Variants in CAPRIN1 observed in about 807,000 individuals in gnomAD.
CAPRIN1 encodes caprin-1.
CAPRIN1 carries 29 observed loss-of-function variants against 100.9 expected under a neutral mutation model. The observed-to-expected ratio is 0.29, with a 90% CI of 0.21 to 0.39. The LOEUF (loss-of-function observed/expected upper bound fraction) is 0.39. Ranked by LOEUF, CAPRIN1 falls within the 10% of genes least tolerant of loss-of-function variation. CAPRIN1 has a pLI of 1.00. For synonymous variants in CAPRIN1, 338 were observed against 307.5 expected (o/e 1.10, Z -1.04); for missense variants, 795 against 876.7 (o/e 0.91, Z 1.18).
chr11:34,071,980 G>A lies in CAPRIN1; in HGVS notation c.359G>A (p.Ser120Asn). ...KELQRSFMAL[S>N]QDIQKTIKKT... is the part of the protein sequence containing the mutation. ...TTACAGAGGAGTTTCATGGCACTAA[G>A]TCAAGATGTAAGTAAAAGAAAGTAT... Residue 120 changes from serine (S) to asparagine (N), a missense_variant, in exon 4 of 19, where the codon AGT (serine) becomes AAT (asparagine). By Grantham distance (46) the Ser-to-Asn change is conservative (BLOSUM62 1). Coordinates refer to ENST00000341394, the MANE Select transcript of CAPRIN1 (RefSeq NM_005898.5). 6.2e-7 allele frequency: 1 copy of A among 1,601,732 alleles called. No individual in the cohort carries two copies. The highest frequency in any genetic ancestry group is 8.6e-7 in the Non-Finnish European group (1 of 1,169,404).
chr11:34,093,202 A>ATT (rs1418235206), intron 15 of CAPRIN1, among the ~76,000 whole-genome samples: 1 of 149,582 alleles, frequency 6.7e-6, no homozygotes, highest in African/African-American at 2.5e-5. Context: ...TTTTATATAT[A>ATT]TATTTTTTTA....
chr11:34,084,584 A>G (rs943049293), intron 9 of CAPRIN1, among the ~76,000 whole-genome samples: 1 of 152,136 alleles, frequency 6.6e-6, no homozygotes, highest in Non-Finnish European at 1.5e-5. Flanking sequence ...TGCGGGACCC[A>G]CATATATACA....
At chr11:34,099,230 C>G in intron 18 of CAPRIN1, 73 bp from the exon 19 acceptor site, 2 of 1,579,122 alleles carry the variant, frequency 1.3e-6, no homozygotes, top group Non-Finnish European at 1.7e-6. Context: ...TTCTTGACTT[C>G]AGATGAAAAT....
chr11:34,066,549 G>A (rs1019535642), intron 2 of CAPRIN1, among the ~76,000 whole-genome samples: 3 of 151,574 alleles, frequency 2.0e-5, no homozygotes, highest in Non-Finnish European at 4.4e-5. Flanking sequence ...GGCCAGGCTG[G>A]TCTCGAACTC....
intron 4 of CAPRIN1, among the ~76,000 whole-genome samples, chr11:34,075,172 C>T (rs754835583): frequency 1.3e-5 from 2 of 152,040 alleles, no homozygotes; most frequent in Non-Finnish European, 2.9e-5. Context: ...TCTGCACACT[C>T]TGTTACCATT....
chr11:34,076,977 C>T lies in CAPRIN1; in HGVS notation c.688+335C>T, dbSNP rs574964732. Among the ~76,000 whole-genome samples, 14 of 152,326 alleles carry T rather than the reference C, an allele frequency of 9.2e-5. No homozygotes were observed. In the East Asian group the frequency reaches 2.7e-3, roughly 29 times the overall value. On this transcript the variant is annotated intron_variant, in intron 6 of 18. Transcript: ENST00000341394. ...CTCGAACTCCTTACCACAAATGATT[C>T]ACCTGCCTGGGCCTCCCAGAGTGCT...
Position 34,102,313 on chromosome 11 carries a change from C to T in CAPRIN1, c.*2946C>T, listed in dbSNP as rs60854277. 0.017 allele frequency among the ~76,000 whole-genome samples: 2,567 copies of T among 152,230 alleles called. 50 individuals carry two copies. Among genetic ancestry groups the T allele is most frequent in the African/African-American group, 0.059 (2,434 of 41,530 alleles). On this transcript the variant is annotated 3_prime_UTR_variant, in exon 19 of 19. Coordinates refer to ENST00000341394, the MANE Select transcript of CAPRIN1 (RefSeq NM_005898.5). ...TCATATAACTAGAGGAAGTGGAATG[C>T]AGATAAGTGCCGAATTCAAACCCTT...
intron 2 of CAPRIN1, among the ~76,000 whole-genome samples, chr11:34,070,544 A>G (rs1009908356): frequency 6.6e-6 from 1 of 151,974 alleles, no homozygotes; most frequent in Non-Finnish European, 1.5e-5. Context: ...ACAGTCTCGT[A>G]CCACCATACC....
Position 34,096,498 on chromosome 11 carries a change from T to C in CAPRIN1, c.1725T>C (p.Gly575=), listed in dbSNP as rs773681734. The change falls in exon 16 of 19, where the codon GGT becomes GGC. Residue 575 remains glycine (G), a synonymous_variant. Coordinates refer to ENST00000341394, the MANE Select transcript of CAPRIN1 (RefSeq NM_005898.5). ...TTATAGTGGTTGGCACTTACCATGG[T>C]TCCCCAGACCAGTCCCATCAAGTGA... The part of the protein sequence containing the change: ...QLQTVVGTYH[G]SPDQSHQVTG... The C allele has an allele frequency of 1.9e-6, 3 of 1,613,640 alleles. No individual in the cohort carries two copies. Among genetic ancestry groups the C allele is most frequent in the Middle Eastern group, 1.7e-4 (1 of 6,048 alleles).
At chr11:34,093,041 T>G (rs1211302580) in intron 15 of CAPRIN1, among the ~76,000 whole-genome samples, 1 of 151,448 alleles carries the variant, frequency 6.6e-6, no homozygotes, top group Admixed American at 6.6e-5. Flanking sequence ...TTTTTTTTTT[T>G]GTAGAGATAG....
At chr11:34,067,231 T>C (rs1189768202) in intron 2 of CAPRIN1, among the ~76,000 whole-genome samples, 3 of 152,242 alleles carry the variant, frequency 2.0e-5, no homozygotes. Context: ...CGTCGGGACC[T>C]GTACCTTTGA....
rs1183166253 is a variant in CAPRIN1, at chr11:34,072,331, AC to A, written c.366+345del. On this transcript the variant is annotated intron_variant, in intron 4 of 18. Transcript: ENST00000341394. ...ACCCCATCTCTAAAAAAAAAAAAAA[AC>A]ATTAAATTTAAAAATTTTTTTAAAA... 1.4e-4 allele frequency among the ~76,000 whole-genome samples: 22 copies of A among 151,754 alleles called. 1 individual carries two copies. The highest frequency in any genetic ancestry group is 1.3e-3 in the Admixed American group (20 of 15,218).
At chr11:34,097,644 G>A in intron 17 of CAPRIN1, 54 bp from the exon 18 acceptor site, 3 of 1,602,592 alleles carry the variant, frequency 1.9e-6, no homozygotes, top group East Asian at 2.2e-5. Flanking sequence ...AAGAATAGAT[G>A]GGTAAGCATT....
intron 15 of CAPRIN1, among the ~76,000 whole-genome samples, chr11:34,094,325 G>C (rs147039934): frequency 6.6e-6 from 1 of 152,024 alleles, no homozygotes; most frequent in Admixed American, 6.6e-5. Flanking sequence ...CAAAGTGCTG[G>C]GATTACAGGC....
chr11:34,063,556 C>T (rs1320067398), intron 2 of CAPRIN1, among the ~76,000 whole-genome samples: 1 of 152,128 alleles, frequency 6.6e-6, no homozygotes, highest in African/African-American at 2.4e-5. Context: ...AATTATTTCC[C>T]AGTACCACAT....
chr11:34,099,084 C>G (rs1453126180), intron 18 of CAPRIN1: 1 of 1,416,030 alleles, frequency 7.1e-7, no homozygotes, highest in African/African-American at 1.4e-5. Context: ...GTGGAATACT[C>G]CATTAGCTTT....
intron 2 of CAPRIN1, among the ~76,000 whole-genome samples, chr11:34,057,468 A>G (rs1358494572): frequency 6.6e-6 from 1 of 152,196 alleles, no homozygotes; most frequent in Non-Finnish European, 1.5e-5. Flanking sequence ...CATGTGGCAG[A>G]TATTTGAGAA....
At chr11:34,090,073 G>T in intron 12 of CAPRIN1, 106 bp from the exon 13 acceptor site, 1 of 560,736 alleles carries the variant, frequency 1.8e-6, no homozygotes, top group Non-Finnish European at 3.2e-6. Flanking sequence ...CCCTTCTTTA[G>T]CAGTTGTATC....
intron 14 of CAPRIN1, 47 bp downstream of exon 14, chr11:34,090,725 A>G (rs1302077295): frequency 4.5e-6 from 7 of 1,554,346 alleles, no homozygotes; most frequent in Non-Finnish European, 6.2e-6. Flanking sequence ...AATATGAATC[A>G]TGGTAGATTT....
Sources: allele counts gnomAD v4.1 joint callset (sites outside exome capture counted in the v4.1 genomes callset), GRCh38; gene constraint gnomAD v4.1.1; transcripts MANE v1.5; gene names NCBI Gene and HGNC (gene_info 2026-07-23, HGNC 2026-07-21).